MTUS2: variants seen among roughly 807,000 people sequenced by gnomAD.
MTUS2 encodes the protein microtubule associated scaffold protein 2.
A neutral mutation model predicts 114.1 loss-of-function variants in MTUS2; 40 were observed. That is an observed-to-expected ratio of 0.35 (90% CI 0.27 to 0.46). The LOEUF is 0.46. Among genes scored for constraint, MTUS2 ranks in the 20% least tolerant of loss-of-function variants. The probability of loss-of-function intolerance (pLI) is 1.00; values close to 1 mark genes in which losing one functional copy is unlikely to be tolerated. For synonymous variants in MTUS2, 688 were observed against 672.0 expected (o/e 1.02, Z -0.37); for missense variants, 1,679 against 1,705.4 (o/e 0.98, Z 0.27).
intron 5 of MTUS2, among the ~76,000 whole-genome samples, chr13:29,145,641 G>A (rs1192034791): frequency 6.6e-6 from 1 of 152,140 alleles, no homozygotes; most frequent in Non-Finnish European, 1.5e-5. Context: ...TAGTCCAATT[G>A]AAAAATTGGA....
chr13:28,974,807 T>G (rs931508232), intron 2 of MTUS2, among the ~76,000 whole-genome samples: 2 of 152,200 alleles, frequency 1.3e-5, no homozygotes, highest in Non-Finnish European at 2.9e-5. Flanking sequence ...ATCCTGACAG[T>G]TTTACTGTTC....
At chr13:29,201,638 G>A (rs1179906326) in intron 5 of MTUS2, among the ~76,000 whole-genome samples, 2 of 152,176 alleles carry the variant, frequency 1.3e-5, no homozygotes, top group African/African-American at 4.8e-5. Flanking sequence ...GCTGTAGCTG[G>A]TAGTGGTTGT....
At chr13:29,392,297 T>C (rs900970418) in intron 8 of MTUS2, among the ~76,000 whole-genome samples, 1 of 152,172 alleles carries the variant, frequency 6.6e-6, no homozygotes, top group African/African-American at 2.4e-5. Context: ...CTCTGGTGCC[T>C]GGATTCCTCA....
intron 2 of MTUS2, among the ~76,000 whole-genome samples, chr13:28,944,082 A>G (rs1419019453): frequency 1.3e-5 from 2 of 152,030 alleles, no homozygotes; most frequent in Non-Finnish European, 2.9e-5. Flanking sequence ...TGTTACTTCT[A>G]GAGACTAATT....
At chr13:28,933,262 G>C (rs1237651627) in intron 2 of MTUS2, among the ~76,000 whole-genome samples, 1 of 152,104 alleles carries the variant, frequency 6.6e-6, no homozygotes, top group Admixed American at 6.6e-5. Flanking sequence ...GGCAGGCTTA[G>C]AAACTCAGGT....
chr13:29,117,028 T>A (rs1020957481), intron 5 of MTUS2, among the ~76,000 whole-genome samples: 14 of 152,224 alleles, frequency 9.2e-5, no homozygotes, highest in African/African-American at 2.7e-4. Flanking sequence ...GTAGGGTTAC[T>A]TCTTCCAAGA....
chr13:28,949,391 C>G (rs1882697709), intron 2 of MTUS2, among the ~76,000 whole-genome samples: 1 of 152,212 alleles, frequency 6.6e-6, no homozygotes, highest in Non-Finnish European at 1.5e-5. Context: ...CAGTTTCTTA[C>G]CATTACTTCG....
chr13:29,307,253 C>A, intron 6 of MTUS2: 1 of 633,140 alleles, frequency 1.6e-6, no homozygotes, highest in South Asian at 1.6e-5. Flanking sequence ...TGCTTAGCAC[C>A]CCTGGCCAAA....
At chr13:28,866,379 T>C (rs866046058) in intron 2 of MTUS2, among the ~76,000 whole-genome samples, 2 of 152,328 alleles carry the variant, frequency 1.3e-5, no homozygotes, top group South Asian at 4.1e-4. Context: ...TAAGCACAAA[T>C]GCTTATACAG....
chr13:29,269,807 A>G lies in MTUS2; in HGVS notation c.2645-11897A>G, dbSNP rs1593244279. ...CATAATAGTCACGATGTGGAAACGA[A>G]TATCAACAGATGAATGGATTGTCTT... On this transcript the variant is annotated intron_variant, in intron 5 of 15. Coordinates refer to ENST00000612955, the MANE Select transcript of MTUS2 (RefSeq NM_001033602.4). Among the ~76,000 whole-genome samples, 5 of 152,234 alleles carry G rather than the reference A, an allele frequency of 3.3e-5. No individual in the cohort carries two copies. The East Asian group carries it at 7.7e-4, about 23-fold the overall frequency.
At chr13:29,114,006 C>G (rs968743363) in intron 5 of MTUS2, among the ~76,000 whole-genome samples, 1 of 152,118 alleles carries the variant, frequency 6.6e-6, no homozygotes, top group Non-Finnish European at 1.5e-5. Context: ...TGACACCTCC[C>G]CCTGTCTCTC....
chr13:29,479,575 C>A (rs1013539496), intron 9 of MTUS2, among the ~76,000 whole-genome samples: 21 of 152,174 alleles, frequency 1.4e-4, no homozygotes, highest in Non-Finnish European at 1.5e-5. Flanking sequence ...TGAAAGGAAA[C>A]CCCCACACCT....
intron 5 of MTUS2, among the ~76,000 whole-genome samples, chr13:29,125,911 A>G (rs1891494601): frequency 6.6e-6 from 1 of 152,240 alleles, no homozygotes; most frequent in African/African-American, 2.4e-5. Flanking sequence ...CCACAGAAAT[A>G]AAGTCAGTGG....
At chr13:29,199,959 A>C (rs1262154554) in intron 5 of MTUS2, among the ~76,000 whole-genome samples, 1 of 152,120 alleles carries the variant, frequency 6.6e-6, no homozygotes, top group Non-Finnish European at 1.5e-5. Context: ...CATTTCTTCT[A>C]GACTTTTGAG....
At chr13:29,255,177 A>G (rs865859796) in intron 5 of MTUS2, among the ~76,000 whole-genome samples, 8 of 152,220 alleles carry the variant, frequency 5.3e-5, no homozygotes, top group Middle Eastern at 3.2e-3. Flanking sequence ...AGGCAGATGT[A>G]AGCAGAAGTG....
chr13:29,428,715 G>T, intron 8 of MTUS2: 1 of 1,496,962 alleles, frequency 6.7e-7, no homozygotes. Context: ...AGGTAGCCAA[G>T]GGAACCACAT....
intron 2 of MTUS2, among the ~76,000 whole-genome samples, chr13:28,891,193 C>T (rs1878902132): frequency 6.6e-6 from 1 of 152,168 alleles, no homozygotes; most frequent in Non-Finnish European, 1.5e-5. Context: ...CTATGAGCAC[C>T]TGGAAGCTGG....
chr13:28,833,936 GAAT>G (rs1874884693), intron 1 of MTUS2, among the ~76,000 whole-genome samples: 1 of 151,976 alleles, frequency 6.6e-6, no homozygotes, highest in African/African-American at 2.4e-5. Context: ...GTATCAAAAA[GAAT>G]AAGATATTTA....
chr13:29,389,341 G>GTGTGTATGTATGTATA (rs1566172446), intron 8 of MTUS2, among the ~76,000 whole-genome samples: 26 of 80,010 alleles, frequency 3.2e-4, no homozygotes, highest in Non-Finnish European at 4.6e-4. Context: ...ATATATGTAT[G>GTGTGTATGTATGTATA]CACGTGTGTG....
Sources: gnomAD v4.1 joint callset for allele counts (sites outside exome capture counted in the v4.1 genomes callset) on GRCh38, gnomAD v4.1.1 for gene constraint, MANE v1.5 for transcripts, NCBI Gene and HGNC (gene_info 2026-07-23, HGNC 2026-07-21) for gene names.